ESRRG: variants seen among roughly 807,000 people sequenced by gnomAD.
ESRRG encodes estrogen related receptor gamma.
Under a neutral mutation model 44.0 loss-of-function variants are expected in ESRRG, and 13 were observed. That is an observed-to-expected ratio of 0.30 (90% CI 0.19 to 0.47). The LOEUF (loss-of-function observed/expected upper bound fraction) is 0.47, where lower values mean the gene tolerates loss of function less well. Ranked by LOEUF, ESRRG falls within the 20% of genes least tolerant of loss-of-function variation. The pLI, the probability that ESRRG is intolerant of heterozygous loss-of-function variation, is 1.00. For missense variants in ESRRG, 395 were observed against 580.6 expected, an observed-to-expected ratio of 0.68 and a Z score of 3.29; for synonymous variants, 215 against 214.6, an observed-to-expected ratio of 1.00 and a Z score of -0.02.
At chr1:217,064,236 T>C (rs1008709509) in intron 1 of ESRRG, among the ~76,000 whole-genome samples, 4 of 152,018 alleles carry the variant, frequency 2.6e-5, no homozygotes, top group East Asian at 1.9e-4. Context: ...TACACACATA[T>C]GTGTTATGTG....
chr1:216,963,119 T>A (rs148929636), intron 1 of ESRRG, among the ~76,000 whole-genome samples: 1 of 152,290 alleles, frequency 6.6e-6, no homozygotes, highest in African/African-American at 2.4e-5. Flanking sequence ...TAAAGCACTT[T>A]GTACACTATA....
At chr1:216,836,189 A>C (rs1325240393) in intron 2 of ESRRG, among the ~76,000 whole-genome samples, 1 of 152,064 alleles carries the variant, frequency 6.6e-6, no homozygotes, top group Admixed American at 6.5e-5. Flanking sequence ...AAAAATAATT[A>C]AGGAAGGTTT....
intron 2 of ESRRG, among the ~76,000 whole-genome samples, chr1:216,659,189 T>C (rs1328584465): frequency 1.3e-5 from 2 of 152,174 alleles, no homozygotes; most frequent in African/African-American, 4.8e-5. Flanking sequence ...TTACCTTGAA[T>C]CCTAAGGCTT....
At chr1:217,096,174 C>G (rs2092420568) in intron 1 of ESRRG, among the ~76,000 whole-genome samples, 1 of 152,178 alleles carries the variant, frequency 6.6e-6, no homozygotes, top group African/African-American at 2.4e-5. Flanking sequence ...CTATCCACCT[C>G]AGAATTTTAT....
chr1:216,966,511 C>T (rs1265339676), intron 1 of ESRRG, among the ~76,000 whole-genome samples: 3 of 152,122 alleles, frequency 2.0e-5, no homozygotes, highest in African/African-American at 7.2e-5. Context: ...TAGAAACTAG[C>T]CACACTACTA....
At chr1:217,094,016 A>G (rs944026891), upstream of ESRRG, among the ~76,000 whole-genome samples, 4 of 151,860 alleles carry the variant, frequency 2.6e-5, no homozygotes, top group African/African-American at 9.7e-5. Flanking sequence ...TGGAGCAGCT[A>G]GGACTACAGG....
chr1:216,806,550 G>T (rs546328496), intron 2 of ESRRG, among the ~76,000 whole-genome samples: 6 of 152,248 alleles, frequency 3.9e-5, no homozygotes, highest in East Asian at 1.9e-4. Context: ...CGATGCAAAA[G>T]AATAGAAAAT....
At chr1:217,114,965 G>A (rs1349022717) in intron 1 of ESRRG, among the ~76,000 whole-genome samples, 2 of 152,050 alleles carry the variant, frequency 1.3e-5, no homozygotes, top group Non-Finnish European at 2.9e-5. Flanking sequence ...GCCCAGGCAA[G>A]GTTTTTCTAG....
At chr1:216,963,557 A>G (rs1253983838) in intron 1 of ESRRG, among the ~76,000 whole-genome samples, 1 of 152,166 alleles carries the variant, frequency 6.6e-6, no homozygotes, top group Non-Finnish European at 1.5e-5. Context: ...GTACAAGTTG[A>G]ATGAAGACTT....
intron 3 of ESRRG, among the ~76,000 whole-genome samples, chr1:216,606,202 C>T (rs139255331): frequency 0.01 from 1,555 of 152,260 alleles, 15 homozygotes; most frequent in Non-Finnish European, 0.018. Context: ...TGCAGAGCCT[C>T]CCCATTGTAG....
At chr1:217,131,931 T>A (rs1363844598) in intron 1 of ESRRG, among the ~76,000 whole-genome samples, 1 of 152,138 alleles carries the variant, frequency 6.6e-6, no homozygotes, top group African/African-American at 2.4e-5. Context: ...TCAAATAAAA[T>A]CCTGGAAGGA....
At chr1:216,629,461 A>T (rs527722413) in intron 3 of ESRRG, among the ~76,000 whole-genome samples, 1 of 152,338 alleles carries the variant, frequency 6.6e-6, no homozygotes, top group South Asian at 2.1e-4. Flanking sequence ...GTCAGAATGG[A>T]ATACCTATGA....
At chr1:217,050,808 T>G (rs1424869128) in intron 1 of ESRRG, among the ~76,000 whole-genome samples, 1 of 152,070 alleles carries the variant, frequency 6.6e-6, no homozygotes, top group Non-Finnish European at 1.5e-5. Flanking sequence ...CTGGGGACAG[T>G]CATAGCCCAG....
At chr1:216,623,470 A>G (rs1417775628) in intron 3 of ESRRG, among the ~76,000 whole-genome samples, 1 of 152,176 alleles carries the variant, frequency 6.6e-6, no homozygotes, top group Non-Finnish European at 1.5e-5. Context: ...TGGAGACCAG[A>G]ACATACCAAC....
chr1:216,552,898 T>A (rs1388999840), intron 5 of ESRRG, among the ~76,000 whole-genome samples: 1 of 152,178 alleles, frequency 6.6e-6, no homozygotes, highest in Admixed American at 6.5e-5. Flanking sequence ...AAGCTCTCTC[T>A]TTTAGAATAA....
At position 217,026,912 on chromosome 1, in the gene ESRRG, C is replaced by CACACACAGAGAG. The variant is rs1255637839; in HGVS notation, c.-106+62594_-106+62595insCTCTCTGTGTGT. Among the ~76,000 whole-genome samples the CACACACAGAGAG allele has an allele frequency of 8.6e-5, 8 of 93,468 alleles. No homozygotes were observed. The East Asian group carries it at 2.4e-3, about 28-fold the overall frequency. The allele number at this position is 93,468 out of a possible 152,430, so 61.3% of individuals were successfully genotyped here. A position where few individuals can be genotyped will look rare whatever the true frequency, so the allele number is the denominator to read the frequency against. Reference sequence around the variant, plus strand: ...ATACACACACACACACACACACACACAGAGAGAGAGAGAGAGAGAGAGAGA... The same window carrying CACACACAGAGAG: ...ATACACACACACACACACACACACACACACACAGAGAGAGAGAGAGAGAGAGAGAGAGAGAGA... On this transcript the variant is annotated intron_variant, in intron 1 of 7. Coordinates refer to the ESRRG transcript ENST00000359162.
intron 2 of ESRRG, among the ~76,000 whole-genome samples, chr1:216,778,405 T>C (rs981441323): frequency 6.6e-6 from 1 of 151,882 alleles, no homozygotes; most frequent in African/African-American, 2.4e-5. Context: ...AACCATCACT[T>C]TTGGTAGCAG....
chr1:216,692,185 A>T (rs2079166774), intron 1 of ESRRG, among the ~76,000 whole-genome samples: 1 of 152,004 alleles, frequency 6.6e-6, no homozygotes, highest in Non-Finnish European at 1.5e-5. Context: ...AGGAGAAGGC[A>T]TTGTTGTCAT....
At chr1:216,687,502 T>C (rs2078233545) in intron 1 of ESRRG, among the ~76,000 whole-genome samples, 1 of 152,152 alleles carries the variant, frequency 6.6e-6, no homozygotes, top group Non-Finnish European at 1.5e-5. Context: ...CTATTTACCA[T>C]TCCTTGATAT....
Sources: allele counts gnomAD v4.1 joint callset (sites outside exome capture counted in the v4.1 genomes callset), GRCh38; gene constraint gnomAD v4.1.1; transcripts MANE v1.5; gene names NCBI Gene and HGNC (gene_info 2026-07-23, HGNC 2026-07-21).